Variants in PPP4R3A observed in about 807,000 individuals in gnomAD.
PPP4R3A encodes protein phosphatase 4 regulatory subunit 3A.
PPP4R3A carries 15 observed loss-of-function variants against 91.7 expected under a neutral mutation model. That is an observed-to-expected ratio of 0.16 (90% confidence interval 0.11 to 0.25). PPP4R3A has a LOEUF of 0.25. Ranked by LOEUF, PPP4R3A falls within the 10% of genes least tolerant of loss-of-function variation. The pLI is 1.00. For synonymous variants in PPP4R3A, 377 were observed against 348.7 expected, an observed-to-expected ratio of 1.08 and a Z score of -0.91; for missense variants, 623 against 998.4, an observed-to-expected ratio of 0.62 and a Z score of 5.07.
intron 10 of PPP4R3A, among the ~76,000 whole-genome samples, chr14:91,469,652 T>C (rs933145715): frequency 5.9e-5 from 9 of 152,234 alleles, no homozygotes; most frequent in African/African-American, 2.2e-4. Flanking sequence ...CACCGCGATA[T>C]CTGCCTCCCA....
chr14:91,471,461 C>T (rs1210062764), intron 9 of PPP4R3A, among the ~76,000 whole-genome samples: 1 of 152,160 alleles, frequency 6.6e-6, no homozygotes, highest in African/African-American at 2.4e-5. Flanking sequence ...CTACTTGTAA[C>T]GAGTCTATAC....
intron 3 of PPP4R3A, among the ~76,000 whole-genome samples, chr14:91,482,429 G>T (rs1250427713): frequency 6.6e-6 from 1 of 152,122 alleles, no homozygotes; most frequent in African/African-American, 2.4e-5. Flanking sequence ...AGGTCTGCTG[G>T]CAAGAACAAC....
In PPP4R3A at chr14:91,473,328, C is replaced by A; in HGVS notation, c.1309G>T (p.Asp437Tyr). 6.2e-7 allele frequency: 1 copy of A among 1,614,008 alleles called. No homozygotes were observed. Among genetic ancestry groups the A allele is most frequent in the Non-Finnish European group, 8.5e-7 (1 of 1,179,996 alleles). The change falls in exon 8 of 15, where the codon GAT becomes TAT. Residue 437 changes from aspartate (D) to tyrosine (Y), a missense_variant. Transcript: ENST00000554943. ...INLIIEHMIC[D>Y]TDPELGGAVQ... ...GCTCCTCCAAGTTCAGGATCTGTAT[C>A]ACAAATCATATGTTCTATAATGAGG...
intron 2 of PPP4R3A, among the ~76,000 whole-genome samples, chr14:91,486,774 T>C (rs947444568): frequency 1.3e-5 from 2 of 151,618 alleles, no homozygotes; most frequent in African/African-American, 4.8e-5. Context: ...TAGCCGGGCA[T>C]GTGCCTGTAA....
chr14:91,487,579 G>C (rs1036943630), intron 2 of PPP4R3A, among the ~76,000 whole-genome samples: 1 of 152,136 alleles, frequency 6.6e-6, no homozygotes, highest in Non-Finnish European at 1.5e-5. Context: ...CCATGCAAAG[G>C]CCGACTGGGT....
At chr14:91,507,609 T>C (rs1317310210) in intron 1 of PPP4R3A, among the ~76,000 whole-genome samples, 1 of 41,598 alleles carries the variant, frequency 2.4e-5, no homozygotes, top group Non-Finnish European at 4.7e-5. Context: ...ATACATACTA[T>C]AGTTATATAT....
chr14:91,458,875 A>G lies in PPP4R3A; in HGVS notation c.2392-6T>C. 1 of 1,600,498 alleles carries G rather than the reference A, an allele frequency of 6.2e-7. No homozygotes were observed. Among genetic ancestry groups the G allele is most frequent in the Non-Finnish European group, 8.5e-7 (1 of 1,173,752 alleles). ...ACCAGACCCACGAGGCCTCCCTGTT[A>G]AGAAATAAGGATTATTTAAAGAACA... On this transcript the variant is annotated splice_region_variant and splice_polypyrimidine_tract_variant and intron_variant, in intron 14 of 14. Transcript: ENST00000554943.
intron 14 of PPP4R3A, among the ~76,000 whole-genome samples, chr14:91,460,636 CCTTTT>C (rs1176313811): frequency 6.6e-4 from 65 of 98,334 alleles, no homozygotes; most frequent in Middle Eastern, 6.4e-3. Flanking sequence ...AGATTTTGTT[CCTTTT>C]TTTTTTTTTT....
Position 91,509,886 on chromosome 14 carries a change from G to C in PPP4R3A, c.-239C>G. On this transcript the variant is annotated 5_prime_UTR_variant, in exon 1 of 15. Coordinates refer to ENST00000554943, the MANE Select transcript of PPP4R3A (RefSeq NM_001366432.2). ...CGGCGCTATTGTCCAGGCCTGGCGA[G>C]CCCGGCGCCCGGCAGCCCCGAGGGG... 1.8e-6 allele frequency: 2 copies of C among 1,085,518 alleles called. No individual in the cohort carries two copies. The highest frequency in any genetic ancestry group is 2.2e-6 in the Non-Finnish European group (2 of 896,192). 67.2% of individuals were successfully genotyped at this position (1,085,518 alleles called of 1,614,324 possible).
At chr14:91,474,008 A>T (rs548750305) in intron 7 of PPP4R3A, among the ~76,000 whole-genome samples, 102 of 152,306 alleles carry the variant, frequency 6.7e-4, no homozygotes, top group African/African-American at 2.4e-3. Context: ...ACCTCAGGTG[A>T]TCCGCCTGCC....
At chr14:91,498,267 A>G (rs533617222) in intron 1 of PPP4R3A, among the ~76,000 whole-genome samples, 5 of 151,952 alleles carry the variant, frequency 3.3e-5, no homozygotes, top group African/African-American at 1.2e-4. Context: ...CCTGGGAGGC[A>G]GAGGTTGCAG....
At chr14:91,490,854 A>G (rs749286402) in intron 1 of PPP4R3A, 52 bp from the exon 2 acceptor site, 7 of 1,203,230 alleles carry the variant, frequency 5.8e-6, no homozygotes, top group Non-Finnish European at 1.2e-6. Context: ...CAGCAAAATT[A>G]TATTCCCTTA....
intron 1 of PPP4R3A, among the ~76,000 whole-genome samples, chr14:91,500,291 C>T (rs1890862934): frequency 6.6e-6 from 1 of 152,140 alleles, no homozygotes; most frequent in African/African-American, 2.4e-5. Context: ...ACCTCCACCT[C>T]CCGGGTTCAA....
chr14:91,497,098 T>C lies in PPP4R3A; in HGVS notation c.143-6296A>G, dbSNP rs535922148. 4.9e-4 allele frequency among the ~76,000 whole-genome samples: 75 copies of C among 152,226 alleles called. 1 individual carries two copies. The South Asian group carries it at 0.015, about 31-fold the overall frequency. ...TAGGAGAGGAATTTATTAAATAACATGGTAGCAGAGATGACAGGCGAGAAA... is the reference window on the plus strand; with the variant it reads ...TAGGAGAGGAATTTATTAAATAACACGGTAGCAGAGATGACAGGCGAGAAA... On this transcript the variant is annotated intron_variant, in intron 1 of 14. Transcript: ENST00000554943.
intron 1 of PPP4R3A, among the ~76,000 whole-genome samples, chr14:91,505,007 A>G (rs1037939183): frequency 6.6e-6 from 1 of 152,186 alleles, no homozygotes; most frequent in Non-Finnish European, 1.5e-5. Flanking sequence ...TGCTAACACT[A>G]TATACATTAT....
chr14:91,499,206 A>G (rs1890783666), intron 1 of PPP4R3A, among the ~76,000 whole-genome samples: 1 of 152,118 alleles, frequency 6.6e-6, no homozygotes, highest in Non-Finnish European at 1.5e-5. Flanking sequence ...TTGAGGCTGC[A>G]GTGAGCTCTG....
At position 91,509,733 on chromosome 14, in the gene PPP4R3A, G is replaced by C; in HGVS notation, c.-86C>G. 1 of 1,395,570 alleles carries C rather than the reference G, an allele frequency of 7.2e-7. No homozygotes were observed. Among genetic ancestry groups the C allele is most frequent in the South Asian group, 1.5e-5 (1 of 64,706 alleles). The allele number at this position is 1,395,570 out of a possible 1,614,324, so 86.4% of individuals were successfully genotyped here. A position where few individuals can be genotyped will look rare whatever the true frequency, so the allele number is the denominator to read the frequency against. On this transcript the variant is annotated 5_prime_UTR_variant, in exon 1 of 15. Coordinates refer to ENST00000554943, the MANE Select transcript of PPP4R3A (RefSeq NM_001366432.2). ...GAGAGGCGAGGGGCGAGGCGTGAGGGCGCCCGCGAGCGGAGGGCTCCCCGG... is the reference window on the plus strand; with the variant it reads ...GAGAGGCGAGGGGCGAGGCGTGAGGCCGCCCGCGAGCGGAGGGCTCCCCGG...
intron 10 of PPP4R3A, among the ~76,000 whole-genome samples, chr14:91,467,477 G>A (rs756212078): frequency 8.5e-5 from 13 of 152,104 alleles, no homozygotes; most frequent in Non-Finnish European, 1.5e-4. Context: ...TTTATAAAAC[G>A]TGAATTTCAT....
chr14:91,485,610 A>AC (rs1555436428), intron 3 of PPP4R3A, 22 bp downstream of exon 3: 1 of 1,546,782 alleles, frequency 6.5e-7, no homozygotes. Flanking sequence ...AAGCATGTTG[A>AC]TTTTTTTATT....
Sources: allele counts gnomAD v4.1 joint callset (sites outside exome capture counted in the v4.1 genomes callset), GRCh38; gene constraint gnomAD v4.1.1; transcripts MANE v1.5; gene names NCBI Gene and HGNC (gene_info 2026-07-23, HGNC 2026-07-21).